The following PCDHA3 variants were observed in gnomAD, a reference collection of about 807,000 sequenced individuals.
PCDHA3 encodes protocadherin alpha 3, also known as protocadherin alpha-3.
A neutral mutation model predicts 62.2 loss-of-function variants in PCDHA3; 41 were observed. The observed-to-expected ratio is 0.66, with a 90% CI of 0.51 to 0.86. The LOEUF is 0.86. PCDHA3 is among the 40% of genes least tolerant of loss of function. The probability of loss-of-function intolerance (pLI) is 0.00; values close to 1 mark genes in which losing one functional copy is unlikely to be tolerated. For synonymous variants in PCDHA3, 640 were observed against 555.4 expected (o/e 1.15, Z -2.14); for missense variants, 1,304 against 1,241.2 (o/e 1.05, Z -0.76).
chr5:140,870,954 G>A, intron 1 of PCDHA3: 1 of 1,613,632 alleles, frequency 6.2e-7, no homozygotes, highest in Non-Finnish European at 8.5e-7. Flanking sequence ...CGGGCGGCTC[G>A]CGCATCCCGT....
intron 1 of PCDHA3, chr5:140,884,259 C>T (rs1554181391): frequency 1.9e-6 from 3 of 1,613,378 alleles, no homozygotes; most frequent in Admixed American, 1.7e-5. Flanking sequence ...GCCACGGCAA[C>T]GGTGCTGTTG....
At chr5:140,828,373 G>A (rs1554131267) in intron 1 of PCDHA3, 1 of 1,614,292 alleles carries the variant, frequency 6.2e-7, no homozygotes, top group Admixed American at 1.7e-5. Context: ...ACCGCGAGGA[G>A]CTGTGCGGGC....
At chr5:140,964,721 C>T (rs2095851062) in intron 1 of PCDHA3, among the ~76,000 whole-genome samples, 1 of 151,598 alleles carries the variant, frequency 6.6e-6, no homozygotes, top group East Asian at 1.9e-4. Flanking sequence ...CAAATTACCA[C>T]AGCAAACTGA....
At chr5:140,894,904 A>G (rs1422978967) in intron 1 of PCDHA3, among the ~76,000 whole-genome samples, 1 of 152,168 alleles carries the variant, frequency 6.6e-6, no homozygotes, top group Non-Finnish European at 1.5e-5. Context: ...TAATTTTCCT[A>G]TCTTTGTTGC....
intron 1 of PCDHA3, chr5:140,883,246 AAATATTCCAATGGCGGG>A: frequency 6.2e-7 from 1 of 1,614,082 alleles, no homozygotes; most frequent in Admixed American, 1.7e-5. Context: ...TTGACAAAGG[AAATATTCCAATGGCGGG>A]TCATTGTACC....
intron 1 of PCDHA3, chr5:140,835,064 A>G (rs2150230368): frequency 1.6e-6 from 2 of 1,216,012 alleles, no homozygotes; most frequent in East Asian, 2.6e-5. Flanking sequence ...GCACCGTTCA[A>G]TTACTCATCA....
chr5:140,942,995 G>A (rs933167090), intron 1 of PCDHA3, among the ~76,000 whole-genome samples: 7 of 152,042 alleles, frequency 4.6e-5, no homozygotes, highest in African/African-American at 1.2e-4. Context: ...GGTGGCTCAT[G>A]CCTGTAATCC....
rs2150325901 is a variant in PCDHA3 at position 140,841,940 on chromosome 5, G to A, written c.2394+38349G>A. Reference sequence around the variant, plus strand: ...ATCCTTGGACAGAGAGGACGCTCCTGCGCACCACTTATTCCTGACAGCCAC... The same window carrying A: ...ATCCTTGGACAGAGAGGACGCTCCTACGCACCACTTATTCCTGACAGCCAC... On this transcript the variant is annotated intron_variant, in intron 1 of 3. Transcript: ENST00000522353. 5.0e-6 allele frequency: 8 copies of A among 1,613,930 alleles called. No individual in the cohort carries two copies. In the South Asian group the frequency reaches 6.6e-5, roughly 13 times the overall value.
Position 140,857,793 on chromosome 5 carries a change from G to A in PCDHA3, c.2394+54202G>A, listed in dbSNP as rs782663646. The A allele has an allele frequency of 5.0e-6, 8 of 1,597,706 alleles. No individual in the cohort carries two copies. The Middle Eastern group carries it at 6.9e-4, about 137-fold the overall frequency. ...GGTGCAGTCAGTGAGCTGGTGCTGC[G>A]GTCGGTGGTTGCGGGTCACGTGGTG... is the stretch of plus-strand genomic sequence containing the variant. On this transcript the variant is annotated intron_variant, in intron 1 of 3. Coordinates refer to ENST00000522353, the MANE Select transcript of PCDHA3 (RefSeq NM_018906.3).
intron 1 of PCDHA3, among the ~76,000 whole-genome samples, chr5:140,939,880 G>T (rs2092484713): frequency 6.6e-6 from 1 of 152,140 alleles, no homozygotes; most frequent in African/African-American, 2.4e-5. Context: ...TTTGCTAGTT[G>T]TGTTGTTCAA....
intron 1 of PCDHA3, among the ~76,000 whole-genome samples, chr5:140,914,495 A>G (rs1469336186): frequency 2.0e-5 from 3 of 152,164 alleles, no homozygotes; most frequent in Non-Finnish European, 4.4e-5. Context: ...CTTGTGGGCA[A>G]CAGATCATTG....
In PCDHA3 at chr5:140,830,166, C is replaced by T. The variant is rs144102346; in HGVS notation, c.2394+26575C>T. Reference sequence around the variant, plus strand: ...GTGGGCGCCGCGGGCCCAGAGGCGGCGCTGGTGGATGTCAACGTGTACCTG... The same window carrying T: ...GTGGGCGCCGCGGGCCCAGAGGCGGTGCTGGTGGATGTCAACGTGTACCTG... On this transcript the variant is annotated intron_variant, in intron 1 of 3. Transcript: ENST00000522353. 1.9e-4 allele frequency: 303 copies of T among 1,613,518 alleles called. 1 individual carries two copies. The African/African-American group carries it at 3.5e-3, about 18-fold the overall frequency.
chr5:140,842,051 C>A, intron 1 of PCDHA3: 1 of 1,613,852 alleles, frequency 6.2e-7, no homozygotes, highest in Non-Finnish European at 8.5e-7. Context: ...CACTTTCGAA[C>A]AGTCTGAATA....
At chr5:140,900,438 C>G (rs573115268) in intron 1 of PCDHA3, among the ~76,000 whole-genome samples, 1 of 152,116 alleles carries the variant, frequency 6.6e-6, no homozygotes, top group East Asian at 1.9e-4. Context: ...CCACCACGGC[C>G]GGCTAATTTT....
intron 1 of PCDHA3, among the ~76,000 whole-genome samples, chr5:140,818,867 A>G (rs1335170198): frequency 6.6e-6 from 1 of 152,204 alleles, no homozygotes; most frequent in Non-Finnish European, 1.5e-5. Flanking sequence ...GAGGCATAAA[A>G]AAGATGCCTG....
chr5:140,939,886 T>C (rs1165679302), intron 1 of PCDHA3, among the ~76,000 whole-genome samples: 1 of 152,242 alleles, frequency 6.6e-6, no homozygotes, highest in Non-Finnish European at 1.5e-5. Flanking sequence ...AGTTGTGTTG[T>C]TCAAATATTC....
At chr5:140,942,139 A>C (rs1211983428) in intron 1 of PCDHA3, among the ~76,000 whole-genome samples, 1 of 152,248 alleles carries the variant, frequency 6.6e-6, no homozygotes, top group Non-Finnish European at 1.5e-5. Context: ...TTGTGGCTTT[A>C]CTTGACATAA....
intron 1 of PCDHA3, among the ~76,000 whole-genome samples, chr5:140,909,973 G>A (rs2074802854): frequency 6.6e-6 from 1 of 152,198 alleles, no homozygotes; most frequent in Admixed American, 6.5e-5. Context: ...GGGGAAGGAT[G>A]GGAGAAAGAC....
At chr5:140,827,960 A>G (rs1769468579) in intron 1 of PCDHA3, 3 of 1,310,514 alleles carry the variant, frequency 2.3e-6, no homozygotes, top group Non-Finnish European at 3.1e-6. Context: ...AATTTCTTCT[A>G]TTACTGCATC....
Sources: gnomAD v4.1 joint callset for allele counts (sites outside exome capture counted in the v4.1 genomes callset) on GRCh38, gnomAD v4.1.1 for gene constraint, MANE v1.5 for transcripts, NCBI Gene and HGNC (gene_info 2026-07-23, HGNC 2026-07-21) for gene names.